The following FOXP1 variants were observed in gnomAD, a reference collection of about 807,000 sequenced individuals.
FOXP1 encodes the protein forkhead box P1.
Under a neutral mutation model 98.2 loss-of-function variants are expected in FOXP1, and 15 were observed. The ratio of observed to expected loss-of-function variants is 0.15; its 90% confidence interval spans 0.10 to 0.24. The LOEUF (loss-of-function observed/expected upper bound fraction) is 0.24. FOXP1 is among the 10% of genes least tolerant of loss of function. The pLI is 1.00. For missense variants in FOXP1, 633 were observed against 848.5 expected, an observed-to-expected ratio of 0.75 and a Z score of 3.15; for synonymous variants, 371 against 314.5, an observed-to-expected ratio of 1.18 and a Z score of -1.90.
intron 5 of FOXP1, among the ~76,000 whole-genome samples, chr3:71,224,667 A>T (rs1336151556): frequency 6.6e-6 from 1 of 152,240 alleles, no homozygotes; most frequent in African/African-American, 2.4e-5. Context: ...AGTGACACAT[A>T]GTAGGTGGAC....
At chr3:71,136,622 T>C (rs780976585) in intron 6 of FOXP1, among the ~76,000 whole-genome samples, 7 of 152,240 alleles carry the variant, frequency 4.6e-5, no homozygotes, top group Admixed American at 1.3e-4. Flanking sequence ...ATTCCTGTAA[T>C]CAGCTTCAGT....
At chr3:71,218,713 T>C (rs931941272) in intron 5 of FOXP1, among the ~76,000 whole-genome samples, 5 of 152,198 alleles carry the variant, frequency 3.3e-5, no homozygotes, top group African/African-American at 1.2e-4. Flanking sequence ...GTGGCTGTTT[T>C]CCAACTGTTC....
intron 4 of FOXP1, among the ~76,000 whole-genome samples, chr3:71,315,220 T>C (rs1402750692): frequency 6.6e-6 from 1 of 152,116 alleles, no homozygotes; most frequent in African/African-American, 2.4e-5. Context: ...CGTACAACCT[T>C]TCATGTCCTT....
intron 3 of FOXP1, among the ~76,000 whole-genome samples, chr3:71,377,604 T>G (rs1010326903): frequency 1.3e-5 from 2 of 152,196 alleles, no homozygotes; most frequent in Non-Finnish European, 2.9e-5. Context: ...TGAAACTAGA[T>G]CTTTTTCCCA....
At position 70,958,900 on chromosome 3, in the gene FOXP1, G is replaced by A. The variant is rs1353546083; in HGVS notation, c.*347C>T. 5 of 417,042 alleles carry A rather than the reference G, an allele frequency of 1.2e-5. No homozygotes were observed. The highest frequency in any genetic ancestry group is 4.2e-5 in the East Asian group (1 of 23,838). 25.8% of individuals were successfully genotyped at this position (417,042 alleles called of 1,614,324 possible). ...CTGTCGGGCGTCCTCAGTGTCCAAC[G>A]TTGGCAGGACTGCAGTTCAAAGTCT... On this transcript the variant is annotated 3_prime_UTR_variant, in exon 21 of 21. Transcript: ENST00000649528.
At chr3:71,150,138 C>G (rs2060497663) in intron 6 of FOXP1, among the ~76,000 whole-genome samples, 1 of 152,162 alleles carries the variant, frequency 6.6e-6, no homozygotes, top group African/African-American at 2.4e-5. Flanking sequence ...CCTTCTTTTC[C>G]TCTCTCCCCA....
chr3:70,979,279 CAAAAAAAAAAAAAAA>C (rs544916383), intron 14 of FOXP1, among the ~76,000 whole-genome samples: 385 of 42,274 alleles, frequency 9.1e-3, no homozygotes, highest in Middle Eastern at 0.023. Context: ...GACTCTACCT[CAAAAAAAAAAAAAAA>C]AAAAAAAAAA....
At chr3:71,229,773 A>G (rs1050993576) in intron 5 of FOXP1, among the ~76,000 whole-genome samples, 1 of 152,312 alleles carries the variant, frequency 6.6e-6, no homozygotes, top group South Asian at 2.1e-4. Context: ...GATCAGCTAC[A>G]ATGGGTTCTC....
At chr3:71,144,603 C>T (rs922776087) in intron 6 of FOXP1, among the ~76,000 whole-genome samples, 1 of 152,138 alleles carries the variant, frequency 6.6e-6, no homozygotes, top group African/African-American at 2.4e-5. Context: ...CACAAGTGTT[C>T]GGGACCTGAC....
chr3:71,521,570 C>A (rs956760538), intron 2 of FOXP1, among the ~76,000 whole-genome samples: 2 of 151,338 alleles, frequency 1.3e-5, no homozygotes, highest in African/African-American at 4.9e-5. Context: ...GGGTGAAGGA[C>A]AGGGGCTCTG....
At chr3:71,383,713 G>C (rs1159411087) in intron 3 of FOXP1, among the ~76,000 whole-genome samples, 6 of 152,196 alleles carry the variant, frequency 3.9e-5, no homozygotes, top group African/African-American at 1.2e-4. Context: ...CACATCGCTT[G>C]AAACATGGAA....
chr3:71,183,091 A>T (rs2062427248), intron 6 of FOXP1, among the ~76,000 whole-genome samples: 1 of 152,152 alleles, frequency 6.6e-6, no homozygotes, highest in Non-Finnish European at 1.5e-5. Context: ...TGTAAATACC[A>T]TTACAATGAA....
chr3:71,296,378 G>T (rs569754018), intron 5 of FOXP1: 2 of 152,160 alleles, frequency 1.3e-5, no homozygotes, highest in African/African-American at 4.8e-5. Context: ...AGGAAGAAAC[G>T]CTAACCACTA....
At chr3:71,177,151 C>T (rs1480587481) in intron 6 of FOXP1, among the ~76,000 whole-genome samples, 2 of 152,140 alleles carry the variant, frequency 1.3e-5, no homozygotes, top group Non-Finnish European at 2.9e-5. Context: ...AGGCTAACTT[C>T]GGTCTGACGG....
intron 7 of FOXP1, among the ~76,000 whole-genome samples, chr3:71,059,504 TC>T (rs1199503649): frequency 1.3e-5 from 2 of 152,126 alleles, no homozygotes; most frequent in African/African-American, 4.8e-5. Flanking sequence ...AAATCGCTTC[TC>T]CCATTAGCAA....
At chr3:71,226,019 C>G (rs1421428583) in intron 5 of FOXP1, among the ~76,000 whole-genome samples, 1 of 152,154 alleles carries the variant, frequency 6.6e-6, no homozygotes, top group African/African-American at 2.4e-5. Flanking sequence ...CTGAGTGATG[C>G]CAAGTTTTAA....
chr3:71,110,099 T>C (rs1173825749), intron 7 of FOXP1, among the ~76,000 whole-genome samples: 1 of 152,114 alleles, frequency 6.6e-6, no homozygotes, highest in Non-Finnish European at 1.5e-5. Flanking sequence ...GAGCCCTCTA[T>C]ATCATCCACT....
chr3:71,035,699 G>GA (rs748791558), intron 11 of FOXP1, among the ~76,000 whole-genome samples: 5 of 151,870 alleles, frequency 3.3e-5, no homozygotes, highest in Non-Finnish European at 7.4e-5. Flanking sequence ...TAACGGGGAA[G>GA]AAAGATTTAA....
intron 5 of FOXP1, among the ~76,000 whole-genome samples, chr3:71,239,569 A>AACAC (rs1365339322): frequency 2.6e-5 from 4 of 152,112 alleles, no homozygotes; most frequent in African/African-American, 9.7e-5. Flanking sequence ...CAAACAAACA[A>AACAC]AAAGAAAACC....
Sources: gnomAD v4.1 joint callset for allele counts (sites outside exome capture counted in the v4.1 genomes callset) on GRCh38, gnomAD v4.1.1 for gene constraint, MANE v1.5 for transcripts, NCBI Gene and HGNC (gene_info 2026-07-23, HGNC 2026-07-21) for gene names.